The following RUNX2 variants were observed in gnomAD, a reference collection of about 807,000 sequenced individuals.
RUNX2 encodes runt-related transcription factor 2.
A neutral mutation model predicts 51.7 loss-of-function variants in RUNX2; 10 were observed. The observed-to-expected ratio is 0.19, with a 90% CI of 0.12 to 0.33. The LOEUF (loss-of-function observed/expected upper bound fraction) is 0.33, where lower values mean the gene tolerates loss of function less well. RUNX2 is among the 10% of genes least tolerant of loss of function. RUNX2 has a pLI of 1.00. For missense variants in RUNX2, 562 were observed against 691.3 expected (o/e 0.81, Z 2.10); for synonymous variants, 276 against 273.6 (o/e 1.01, Z -0.09).
At chr6:45,540,551 C>T (rs1802190041) in intron 7 of RUNX2, among the ~76,000 whole-genome samples, 1 of 152,168 alleles carries the variant, frequency 6.6e-6, no homozygotes, top group Non-Finnish European at 1.5e-5. Context: ...ATCTATAGAA[C>T]TCATCTATGA....
rs145622287 is a variant in RUNX2 at position 45,430,776 on chromosome 6, C to T, written c.424-1087C>T. Among the ~76,000 whole-genome samples, 64 of 152,210 alleles carry T rather than the reference C, an allele frequency of 4.2e-4. No homozygotes were observed. In the East Asian group the frequency reaches 0.01, roughly 24 times the overall value. ...AGACAGCTGTGGGCTACTTGAGCTG[C>T]GGTCATTGCTGAGTTACCATGAGGG... On this transcript the variant is annotated intron_variant, in intron 3 of 8. Transcript: ENST00000647337.
intron 2 of RUNX2, among the ~76,000 whole-genome samples, chr6:45,345,324 C>A (rs2150154929): frequency 6.6e-6 from 1 of 152,286 alleles, no homozygotes; most frequent in Non-Finnish European, 1.5e-5. Context: ...TGCCCCATCT[C>A]AGCAACCAGA....
Position 45,423,225 on chromosome 6 carries a change from C to T in RUNX2, c.423+268C>T, listed in dbSNP as rs11498196. Among the ~76,000 whole-genome samples, 48,909 of 151,996 alleles carry T rather than the reference C, an allele frequency of 0.32. 9,528 individuals carry two copies. The highest frequency in any genetic ancestry group is 0.46 in the East Asian group (2,368 of 5,108). ...TCCCCCTGACCCGTTCAGCACTCCT[C>T]ATGCCTCCTGCCTGGCCTTGATTCT... On this transcript the variant is annotated intron_variant, in intron 3 of 8. Coordinates refer to ENST00000647337, the MANE Select transcript of RUNX2 (RefSeq NM_001024630.4).
chr6:45,428,694 C>A (rs578218622), intron 3 of RUNX2, among the ~76,000 whole-genome samples: 24 of 152,184 alleles, frequency 1.6e-4, no homozygotes, highest in African/African-American at 4.8e-4. Context: ...GTATTTCACT[C>A]TTAGGGATCT....
chr6:45,518,037 G>GA (rs1210759432), intron 7 of RUNX2, among the ~76,000 whole-genome samples: 1 of 152,088 alleles, frequency 6.6e-6, no homozygotes, highest in Admixed American at 6.6e-5. Flanking sequence ...AGGTTAAAAG[G>GA]AAAACTTCAG....
intron 7 of RUNX2, among the ~76,000 whole-genome samples, chr6:45,521,814 G>A (rs916351533): frequency 1.3e-5 from 2 of 152,064 alleles, no homozygotes; most frequent in African/African-American, 2.4e-5. Flanking sequence ...TTAACGCCTC[G>A]TACCCAGAAC....
intron 2 of RUNX2, 155 bp from the exon 3 acceptor site, chr6:45,422,438 T>G: frequency 1.5e-6 from 1 of 672,830 alleles, no homozygotes; most frequent in Non-Finnish European, 2.6e-6. Context: ...TCATCAAACT[T>G]GATTTCTCAC....
rs1450587414 is a variant in RUNX2, at chr6:45,512,412, A to T, written c.1021+5A>T. The T allele has an allele frequency of 6.2e-7, 1 of 1,613,796 alleles. No homozygotes were observed. Among genetic ancestry groups the T allele is most frequent in the South Asian group, 1.1e-5 (1 of 91,074 alleles). On this transcript the variant is annotated splice_donor_5th_base_variant and intron_variant, in intron 7 of 8. Coordinates refer to ENST00000647337, the MANE Select transcript of RUNX2 (RefSeq NM_001024630.4). ...ATGTGCCTAGGCGCATTTCAGGTAA[A>T]GACCGTGCTTTAACTAAAAATCCAT...
In RUNX2 at chr6:45,547,404, G is replaced by T; in HGVS notation, c.*99G>T. On this transcript the variant is annotated 3_prime_UTR_variant, in exon 9 of 9. Transcript: ENST00000647337. ...AGTGCATATATATGTATATCGATTA[G>T]CTATCTACAAAGTGCCTATTTTTTA... 2.0e-6 allele frequency: 2 copies of T among 1,016,842 alleles called. No homozygotes were observed. The highest frequency in any genetic ancestry group is 3.1e-6 in the Non-Finnish European group (2 of 651,250). 63.0% of individuals were successfully genotyped at this position (1,016,842 alleles called of 1,614,324 possible). A position where few individuals can be genotyped will look rare whatever the true frequency, so the allele number is the denominator to read the frequency against.
intron 2 of RUNX2, among the ~76,000 whole-genome samples, chr6:45,400,058 G>A (rs1192464965): frequency 1.7e-5 from 2 of 120,700 alleles, no homozygotes; most frequent in Admixed American, 1.7e-4. Flanking sequence ...AAGGAGGGAG[G>A]GAAGGAAGGA....
At chr6:45,481,921 A>G (rs984744096) in intron 5 of RUNX2, among the ~76,000 whole-genome samples, 2 of 152,226 alleles carry the variant, frequency 1.3e-5, no homozygotes, top group African/African-American at 4.8e-5. Context: ...AACTCTGAAA[A>G]ATCCTAATTC....
At chr6:45,403,480 G>T (rs1337947437) in intron 2 of RUNX2, among the ~76,000 whole-genome samples, 1 of 152,084 alleles carries the variant, frequency 6.6e-6, no homozygotes, top group South Asian at 2.1e-4. Context: ...TGATCCGCCC[G>T]CCTCAGCATC....
In RUNX2 at chr6:45,328,336, C is replaced by G. The variant is rs1481936682; in HGVS notation, c.-191C>G. The G allele has an allele frequency of 2.9e-6, 4 of 1,375,620 alleles. No individual in the cohort carries two copies. The Admixed American group carries it at 5.7e-5, about 20-fold the overall frequency. 85.2% of individuals were successfully genotyped at this position (1,375,620 alleles called of 1,614,324 possible). On this transcript the variant is annotated 5_prime_UTR_variant, in exon 1 of 9. Transcript: ENST00000647337. ...TGGATTGTGTGAATGCTTCATTCGC[C>G]TCACAAACAACCACAGAACCACAAG...
At chr6:45,359,372 C>G (rs546016182) in intron 2 of RUNX2, among the ~76,000 whole-genome samples, 7 of 152,184 alleles carry the variant, frequency 4.6e-5, no homozygotes, top group African/African-American at 7.2e-5. Context: ...TTCTCACTTA[C>G]ATTACAATTT....
At chr6:45,365,392 AAG>A (rs1794961304) in intron 2 of RUNX2, 1 of 800,598 alleles carries the variant, frequency 1.2e-6, no homozygotes, top group Non-Finnish European at 2.0e-6. Context: ...TTACTTCAAA[AAG>A]TAGAGAAAAT....
intron 3 of RUNX2, among the ~76,000 whole-genome samples, 188 bp downstream of exon 3, chr6:45,423,145 C>T (rs1798272609): frequency 6.6e-6 from 1 of 152,062 alleles, no homozygotes; most frequent in Non-Finnish European, 1.5e-5. Context: ...AGTCCCTCCG[C>T]GCAAATCCCT....
At chr6:45,471,532 C>T (rs1183204958) in intron 5 of RUNX2, among the ~76,000 whole-genome samples, 1 of 151,470 alleles carries the variant, frequency 6.6e-6, no homozygotes, top group African/African-American at 2.4e-5. Flanking sequence ...GCAAGCTCCG[C>T]CTCCCAGGTT....
chr6:45,461,931 G>A (rs1035531060), intron 5 of RUNX2, among the ~76,000 whole-genome samples: 1 of 152,082 alleles, frequency 6.6e-6, no homozygotes. Context: ...CTTTAAAAAT[G>A]TTCCCAGGGC....
At chr6:45,420,298 C>T (rs1055884253) in intron 2 of RUNX2, among the ~76,000 whole-genome samples, 1 of 152,206 alleles carries the variant, frequency 6.6e-6, no homozygotes, top group Non-Finnish European at 1.5e-5. Flanking sequence ...TTCCGTGCCC[C>T]TCATGCTCTC....
Sources: allele counts gnomAD v4.1 joint callset (sites outside exome capture counted in the v4.1 genomes callset), GRCh38; gene constraint gnomAD v4.1.1; transcripts MANE v1.5; gene names NCBI Gene and HGNC (gene_info 2026-07-23, HGNC 2026-07-21).